Variants in SPATA17 observed in about 807,000 individuals in gnomAD.
SPATA17 encodes spermatogenesis associated 17, also known as spermatogenesis-associated protein 17.
A neutral mutation model predicts 62.2 loss-of-function variants in SPATA17; 53 were observed. That is an observed-to-expected ratio of 0.85 (90% CI 0.68 to 1.07). The LOEUF (loss-of-function observed/expected upper bound fraction) is 1.07, where lower values mean the gene tolerates loss of function less well. Ranked by LOEUF, SPATA17 falls within the 50% of genes least tolerant of loss-of-function variation. The pLI, the probability that SPATA17 is intolerant of heterozygous loss-of-function variation, is 0.00. For synonymous variants in SPATA17, 146 were observed against 146.8 expected (o/e 0.99, Z 0.04); for missense variants, 466 against 425.5 (o/e 1.10, Z -0.84).
intron 5 of SPATA17, among the ~76,000 whole-genome samples, chr1:217,729,068 G>A (rs1182514820): frequency 6.6e-6 from 1 of 152,208 alleles, no homozygotes; most frequent in Non-Finnish European, 1.5e-5. Context: ...CTCTAGCTTG[G>A]TTAATTAGAA....
chr1:217,759,250 G>A (rs2102961647), intron 6 of SPATA17, among the ~76,000 whole-genome samples: 1 of 152,288 alleles, frequency 6.6e-6, no homozygotes. Flanking sequence ...CCCAAGGTCA[G>A]GAGTTCGAGA....
At chr1:217,801,252 A>G (rs1362873711) in intron 8 of SPATA17, among the ~76,000 whole-genome samples, 1 of 152,194 alleles carries the variant, frequency 6.6e-6, no homozygotes, top group Non-Finnish European at 1.5e-5. Context: ...TGAAGACCCC[A>G]TTATTCATAA....
At chr1:217,795,362 C>T (rs868578862) in intron 8 of SPATA17, among the ~76,000 whole-genome samples, 18 of 69,550 alleles carry the variant, frequency 2.6e-4, no homozygotes, top group Non-Finnish European at 3.4e-4. Context: ...ACAAAAGTCT[C>T]TTTTTTTTTT....
chr1:217,811,343 T>C (rs2102992159), intron 9 of SPATA17, among the ~76,000 whole-genome samples: 1 of 152,260 alleles, frequency 6.6e-6, no homozygotes, highest in South Asian at 2.1e-4. Context: ...AGGTATTCTT[T>C]AAATCATAAT....
intron 9 of SPATA17, among the ~76,000 whole-genome samples, chr1:217,862,238 C>A (rs1326851325): frequency 1.3e-5 from 2 of 152,128 alleles, no homozygotes; most frequent in Non-Finnish European, 2.9e-5. Flanking sequence ...TGAAAAGCAT[C>A]CATTTTTATG....
intron 9 of SPATA17, among the ~76,000 whole-genome samples, chr1:217,858,751 C>T (rs983373804): frequency 1.8e-4 from 28 of 152,138 alleles, no homozygotes; most frequent in African/African-American, 5.3e-4. Context: ...AAATTATAGC[C>T]GGGCGTGGTG....
At chr1:217,832,084 CAT>C (rs759619720) in intron 9 of SPATA17, among the ~76,000 whole-genome samples, 1 of 152,008 alleles carries the variant, frequency 6.6e-6, no homozygotes, top group Non-Finnish European at 1.5e-5. Flanking sequence ...ATTTAGAAAT[CAT>C]GTGTCATTTT....
At chr1:217,829,299 A>G (rs1394261518) in intron 9 of SPATA17, among the ~76,000 whole-genome samples, 2 of 152,046 alleles carry the variant, frequency 1.3e-5, no homozygotes, top group African/African-American at 4.8e-5. Flanking sequence ...ACATAAATGA[A>G]CCTGAAGTCC....
chr1:217,734,661 A>C (rs1443149348), intron 5 of SPATA17, among the ~76,000 whole-genome samples: 2 of 152,188 alleles, frequency 1.3e-5, no homozygotes, highest in East Asian at 3.8e-4. Flanking sequence ...TTTTTATTTA[A>C]GAAATCTATG....
At chr1:217,745,179 C>T (rs1672719516) in intron 6 of SPATA17, among the ~76,000 whole-genome samples, 1 of 152,178 alleles carries the variant, frequency 6.6e-6, no homozygotes, top group African/African-American at 2.4e-5. Context: ...CAAATCGCTT[C>T]CCTTGGAGAT....
intron 9 of SPATA17, among the ~76,000 whole-genome samples, chr1:217,845,676 A>G (rs1241420583): frequency 1.3e-5 from 2 of 152,086 alleles, no homozygotes; most frequent in African/African-American, 4.8e-5. Context: ...AAGAAATTCA[A>G]TTTTAACGCT....
At chr1:217,696,806 A>G (rs1169100245) in intron 5 of SPATA17, among the ~76,000 whole-genome samples, 3 of 152,232 alleles carry the variant, frequency 2.0e-5, no homozygotes, top group Non-Finnish European at 2.9e-5. Flanking sequence ...AGTCATGTCT[A>G]TCTTCCTTAA....
At chr1:217,798,184 A>G (rs1674203321) in intron 8 of SPATA17, among the ~76,000 whole-genome samples, 1 of 152,226 alleles carries the variant, frequency 6.6e-6, no homozygotes, top group Admixed American at 6.5e-5. Context: ...TTATTACCCC[A>G]GTAGTGCATG....
At chr1:217,829,232 T>A (rs895239417) in intron 9 of SPATA17, among the ~76,000 whole-genome samples, 6 of 152,026 alleles carry the variant, frequency 3.9e-5, no homozygotes, top group African/African-American at 1.5e-4. Context: ...AAATGTGAGA[T>A]ATATATTATT....
chr1:217,832,388 T>G (rs889373903), intron 9 of SPATA17, among the ~76,000 whole-genome samples: 1 of 152,078 alleles, frequency 6.6e-6, no homozygotes, highest in African/African-American at 2.4e-5. Flanking sequence ...CAGATAAAAT[T>G]TCACATGCTT....
At chr1:217,784,822 C>CT (rs1027272424) in intron 8 of SPATA17, 2 of 152,188 alleles carry the variant, frequency 1.3e-5, no homozygotes, top group African/African-American at 4.8e-5. Context: ...GAGCACAGCT[C>CT]TGCCTACACC....
chr1:217,655,797 C>T (rs925014964), intron 3 of SPATA17, among the ~76,000 whole-genome samples: 1 of 152,098 alleles, frequency 6.6e-6, no homozygotes, highest in Non-Finnish European at 1.5e-5. Flanking sequence ...TCACTAGGAG[C>T]TTCTTCAAAC....
At position 217,741,879 on chromosome 1, in the gene SPATA17, G is replaced by T. The variant is rs1251760068; in HGVS notation, c.396-96G>T. The stretch of plus-strand genomic sequence containing the variant: ...ACCACTGATTTGGATGGATATGGAT[G>T]ATGGTTGCCCCTCAAAAAAACTGAT... On this transcript the variant is annotated intron_variant, in intron 5 of 10. Coordinates refer to ENST00000366933, the MANE Select transcript of SPATA17 (RefSeq NM_138796.4). The T allele has an allele frequency of 5.9e-6, 8 of 1,363,024 alleles. 1 individual carries two copies. Among genetic ancestry groups the T allele is most frequent in the Middle Eastern group, 3.7e-4 (2 of 5,428 alleles). 84.4% of individuals were successfully genotyped at this position (1,363,024 alleles called of 1,614,324 possible).
chr1:217,701,545 C>G (rs762892326), intron 5 of SPATA17, among the ~76,000 whole-genome samples: 7 of 151,650 alleles, frequency 4.6e-5, no homozygotes, highest in Non-Finnish European at 8.8e-5. Flanking sequence ...ACCACCATGC[C>G]TGGCTAATTT....
Sources: allele counts gnomAD v4.1 joint callset (sites outside exome capture counted in the v4.1 genomes callset), GRCh38; gene constraint gnomAD v4.1.1; transcripts MANE v1.5; gene names NCBI Gene and HGNC (gene_info 2026-07-23, HGNC 2026-07-21).